Variants in NRXN1 observed in about 807,000 individuals in gnomAD.
NRXN1 encodes the protein neurexin-1.
NRXN1 carries 39 observed loss-of-function variants against 150.9 expected under a neutral mutation model. The ratio of observed to expected loss-of-function variants is 0.26; its 90% confidence interval spans 0.20 to 0.34. The LOEUF (loss-of-function observed/expected upper bound fraction) is 0.34, where lower values mean the gene tolerates loss of function less well. NRXN1 is among the 10% of genes least tolerant of loss of function. The pLI, the probability that NRXN1 is intolerant of heterozygous loss-of-function variation, is 1.00. For missense variants in NRXN1, 1,815 were observed against 1,949.9 expected (o/e 0.93, Z 1.30); for synonymous variants, 924 against 757.0 (o/e 1.22, Z -3.62).
At chr2:50,856,087 T>A (rs944389976) in intron 5 of NRXN1, among the ~76,000 whole-genome samples, 1 of 151,802 alleles carries the variant, frequency 6.6e-6, no homozygotes. Context: ...CATGAGACCT[T>A]TGTAATTATG....
intron 18 of NRXN1, among the ~76,000 whole-genome samples, chr2:50,133,438 C>T (rs1389902236): frequency 6.6e-6 from 1 of 152,200 alleles, no homozygotes; most frequent in African/African-American, 2.4e-5. Context: ...GTGCTTATAA[C>T]ATAGGTGGAG....
At chr2:50,688,983 T>C (rs1691659101) in intron 5 of NRXN1, among the ~76,000 whole-genome samples, 1 of 152,212 alleles carries the variant, frequency 6.6e-6, no homozygotes, top group African/African-American at 2.4e-5. Flanking sequence ...TCTGGAGACT[T>C]ATAAAAATAA....
chr2:50,753,964 T>TGGG (rs1554047725), intron 5 of NRXN1, among the ~76,000 whole-genome samples: 31 of 118,028 alleles, frequency 2.6e-4, no homozygotes, highest in African/African-American at 6.7e-4. Context: ...GATTTTTTTT[T>TGGG]GGGGGGGGGC....
At chr2:50,461,229 T>C (rs1164228493) in intron 17 of NRXN1, among the ~76,000 whole-genome samples, 6 of 151,974 alleles carry the variant, frequency 3.9e-5, no homozygotes, top group African/African-American at 1.2e-4. Flanking sequence ...TAAATTCCTA[T>C]CAGAAAGATT....
intron 17 of NRXN1, among the ~76,000 whole-genome samples, chr2:50,345,801 A>ACCT (rs1431957376): frequency 6.6e-6 from 1 of 152,130 alleles, no homozygotes; most frequent in Non-Finnish European, 1.5e-5. Context: ...CTCCAGGCAG[A>ACCT]CCTCCGGGCT....
At chr2:50,584,916 A>C (rs1672846388) in intron 8 of NRXN1, among the ~76,000 whole-genome samples, 1 of 152,184 alleles carries the variant, frequency 6.6e-6, no homozygotes, top group Non-Finnish European at 1.5e-5. Flanking sequence ...TAGATGAATA[A>C]TTCTGGGATG....
chr2:50,472,071 G>A (rs1056255220), intron 16 of NRXN1, among the ~76,000 whole-genome samples: 1 of 136,744 alleles, frequency 7.3e-6, no homozygotes, highest in Admixed American at 7.1e-5. Context: ...AAAAAACCAA[G>A]ATCCATAGAT....
chr2:50,780,194 C>T (rs1438186753), intron 5 of NRXN1, among the ~76,000 whole-genome samples: 1 of 152,120 alleles, frequency 6.6e-6, no homozygotes, highest in African/African-American at 2.4e-5. Context: ...TTATATCCTA[C>T]ACCCACTTTT....
intron 5 of NRXN1, among the ~76,000 whole-genome samples, chr2:50,710,174 A>T (rs539062885): frequency 1.8e-4 from 28 of 152,314 alleles, no homozygotes; most frequent in African/African-American, 6.7e-4. Context: ...TTGTATTACC[A>T]CTGAAGGTAA....
intron 18 of NRXN1, among the ~76,000 whole-genome samples, chr2:50,162,260 G>C (rs1008509758): frequency 1.3e-5 from 2 of 152,038 alleles, no homozygotes; most frequent in African/African-American, 4.8e-5. Context: ...CATCATTACT[G>C]GCACTAGTAT....
At chr2:50,672,025 T>C (rs1688925898) in intron 5 of NRXN1, among the ~76,000 whole-genome samples, 1 of 152,002 alleles carries the variant, frequency 6.6e-6, no homozygotes, top group Non-Finnish European at 1.5e-5. Context: ...CCTAACCTAA[T>C]GTAAAAACTA....
At chr2:50,977,995 T>A (rs1696129763) in intron 2 of NRXN1, among the ~76,000 whole-genome samples, 2 of 151,690 alleles carry the variant, frequency 1.3e-5, no homozygotes, top group South Asian at 4.2e-4. Context: ...TATTGCAGCA[T>A]GTTGATGGCT....
At chr2:49,979,805 T>A (rs1221202814) in intron 21 of NRXN1, among the ~76,000 whole-genome samples, 4 of 152,132 alleles carry the variant, frequency 2.6e-5, no homozygotes, top group Non-Finnish European at 5.9e-5. Flanking sequence ...ATTAAATTCC[T>A]ATTAACTATT....
intron 17 of NRXN1, among the ~76,000 whole-genome samples, chr2:50,329,631 ATATATAT>A (rs2076661149): frequency 2.0e-4 from 1 of 4,926 alleles, no homozygotes; most frequent in East Asian, 0.018. Context: ...ATATATATAT[ATATATAT>A]ATATATATAT....
intron 8 of NRXN1, among the ~76,000 whole-genome samples, chr2:50,614,436 G>A (rs770464155): frequency 1.0e-3 from 152 of 151,890 alleles, no homozygotes; most frequent in African/African-American, 3.3e-3. Flanking sequence ...TTGTTCTTAC[G>A]TGTAAATGAC....
chr2:50,168,428 T>C (rs2059817036), intron 18 of NRXN1, among the ~76,000 whole-genome samples: 2 of 152,356 alleles, frequency 1.3e-5, no homozygotes, highest in African/African-American at 2.4e-5. Flanking sequence ...TTGGCCTTTA[T>C]ATTTAAAAAT....
intron 17 of NRXN1, among the ~76,000 whole-genome samples, chr2:50,250,244 C>T (rs148327321): frequency 6.6e-6 from 1 of 152,216 alleles, no homozygotes; most frequent in African/African-American, 2.4e-5. Context: ...TTCAAGCAAA[C>T]TGGAGAATTT....
intron 5 of NRXN1, among the ~76,000 whole-genome samples, chr2:50,824,988 A>C (rs2105848039): frequency 6.6e-6 from 1 of 152,330 alleles, no homozygotes; most frequent in South Asian, 2.1e-4. Flanking sequence ...ACAGCACGCA[A>C]GTGATACACT....
intron 5 of NRXN1, chr2:50,918,392 C>A (rs1435056455): frequency 1.6e-5 from 5 of 303,396 alleles, no homozygotes; most frequent in African/African-American, 8.6e-5. Flanking sequence ...GCTTTCTGCC[C>A]TCATAGAGCT....
Sources: allele counts gnomAD v4.1 joint callset (sites outside exome capture counted in the v4.1 genomes callset), GRCh38; gene constraint gnomAD v4.1.1; transcripts MANE v1.5; gene names NCBI Gene and HGNC (gene_info 2026-07-23, HGNC 2026-07-21).